NBAS: variants seen among roughly 807,000 people sequenced by gnomAD.
The protein encoded by NBAS is NAG/BC035112 fusion.
NBAS carries 219 observed loss-of-function variants against 302.5 expected under a neutral mutation model. The ratio of observed to expected loss-of-function variants is 0.72; its 90% confidence interval spans 0.65 to 0.81. The LOEUF is 0.81. Ranked by LOEUF, NBAS falls within the 30% of genes least tolerant of loss-of-function variation. The pLI, the probability that NBAS is intolerant of heterozygous loss-of-function variation, is 0.00. For synonymous variants in NBAS, 1,118 were observed against 1,021.6 expected, an observed-to-expected ratio of 1.09 and a Z score of -1.80; for missense variants, 2,932 against 2,841.6, an observed-to-expected ratio of 1.03 and a Z score of -0.72.
chr2:14,916,963 C>T, the NBAS span, among the ~76,000 whole-genome samples: 1 of 152,294 alleles, frequency 6.6e-6, no homozygotes, highest in South Asian at 2.1e-4. Context: ...AGAAACAACA[C>T]GTGTGCTTTT....
chr2:15,142,889 T>A, the NBAS span, among the ~76,000 whole-genome samples: 1 of 152,132 alleles, frequency 6.6e-6, no homozygotes, highest in East Asian at 1.9e-4. Flanking sequence ...AAAAGAAACA[T>A]CCCTCCGTTT....
intron 35 of NBAS, among the ~76,000 whole-genome samples, chr2:15,350,486 G>A (rs1003407445): frequency 1.1e-4 from 16 of 152,150 alleles, no homozygotes; most frequent in Admixed American, 1.3e-4. Flanking sequence ...TCTAAAAAAT[G>A]CTAATTCTAC....
chr2:15,119,092 T>C, the NBAS span, among the ~76,000 whole-genome samples: 3 of 152,026 alleles, frequency 2.0e-5, no homozygotes, highest in East Asian at 1.9e-4. Flanking sequence ...TCCCAGAAAG[T>C]AGATCTCCTC....
At chr2:14,809,370 T>C in the NBAS span, among the ~76,000 whole-genome samples, 68 of 152,300 alleles carry the variant, frequency 4.5e-4, 1 homozygote, top group African/African-American at 8.2e-4. Context: ...GTGTGCAGCC[T>C]AGGGACTTGG....
At chr2:15,250,433 C>T (rs1015908888) in intron 44 of NBAS, among the ~76,000 whole-genome samples, 9 of 152,168 alleles carry the variant, frequency 5.9e-5, no homozygotes, top group African/African-American at 2.2e-4. Context: ...ACACCAAAAG[C>T]AATGGCAACA....
the NBAS span, among the ~76,000 whole-genome samples, chr2:14,826,419 G>A: frequency 1.3e-5 from 2 of 152,160 alleles, no homozygotes; most frequent in East Asian, 1.9e-4. Flanking sequence ...TGTATTTAAT[G>A]GGATGTGGTA....
rs375995957 is a variant in NBAS, at chr2:15,539,238, G to C, written c.498C>G (p.Leu166=). 2 of 1,614,054 alleles carry C rather than the reference G, an allele frequency of 1.2e-6. No individual in the cohort carries two copies. Among genetic ancestry groups the C allele is most frequent in the African/African-American group, 1.3e-5 (1 of 74,920 alleles). The change falls in exon 7 of 52, where the codon CTC becomes CTG. Residue 166 remains leucine, a synonymous_variant. Coordinates refer to ENST00000281513, the MANE Select transcript of NBAS (RefSeq NM_015909.4). ...VRVFDLMGSE[L]FVISPASSFI... is the part of the protein sequence containing the mutation. ...ATGTACATACCGGGGAAATGACAAA[G>C]AGTTCACTTCCCATGAGATCAAACA...
the NBAS span, among the ~76,000 whole-genome samples, chr2:15,130,206 T>C: frequency 5.2e-5 from 8 of 152,390 alleles, no homozygotes; most frequent in East Asian, 1.3e-3. Flanking sequence ...GGTTTATCCA[T>C]GTTGAACTAT....
intron 31 of NBAS, among the ~76,000 whole-genome samples, chr2:15,368,430 C>T (rs1465617989): frequency 2.0e-5 from 3 of 152,020 alleles, no homozygotes; most frequent in African/African-American, 7.2e-5. Flanking sequence ...GAACTCCTGA[C>T]CTTGTGATCC....
chr2:14,810,202 A>G, the NBAS span, among the ~76,000 whole-genome samples: 3 of 152,136 alleles, frequency 2.0e-5, no homozygotes, highest in Admixed American at 6.5e-5. Context: ...GGAAGGCACA[A>G]TTGGTTGTGA....
the NBAS span, among the ~76,000 whole-genome samples, chr2:14,901,014 G>A: frequency 6.6e-6 from 1 of 152,224 alleles, no homozygotes; most frequent in African/African-American, 2.4e-5. Flanking sequence ...TGCACTGACA[G>A]CCTTGGGGTC....
chr2:15,427,823 A>G, intron 21 of NBAS, 29 bp from the exon 22 acceptor site: 5 of 1,531,502 alleles, frequency 3.3e-6, no homozygotes, highest in Non-Finnish European at 4.5e-6. Context: ...TAAGTGTTTA[A>G]AATTCACATT....
the NBAS span, among the ~76,000 whole-genome samples, chr2:14,985,285 A>C: frequency 6.6e-6 from 1 of 152,246 alleles, no homozygotes; most frequent in African/African-American, 2.4e-5. Flanking sequence ...AAACACTGTC[A>C]TCCAGGAAAC....
the NBAS span, among the ~76,000 whole-genome samples, chr2:14,890,952 ATTATTTAGTAGCAAATCTTTT>A: frequency 1.3e-5 from 2 of 152,252 alleles, no homozygotes; most frequent in African/African-American, 4.8e-5. Context: ...AAATAAAAAG[ATTATTTAGTAGCAAATCTTTT>A]TTAGAATAAA....
Position 15,443,367 on chromosome 2 carries a change from T to C in NBAS, c.2340-15573A>G, listed in dbSNP as rs563046434. Among the ~76,000 whole-genome samples, 135 of 151,982 alleles carry C rather than the reference T, an allele frequency of 8.9e-4. 2 individuals are homozygous for C. The highest frequency in any genetic ancestry group is 1.8e-3 in the African/African-American group (74 of 41,392). ...TTCAATATACGCAAATCAATAAATG[T>C]AATCCAGCATATAAACAGAACCAAA... is the stretch of plus-strand genomic sequence containing the variant. On this transcript the variant is annotated intron_variant, in intron 21 of 51. Coordinates refer to ENST00000281513, the MANE Select transcript of NBAS (RefSeq NM_015909.4).
chr2:14,989,485 G>A, the NBAS span, among the ~76,000 whole-genome samples: 1 of 151,990 alleles, frequency 6.6e-6, no homozygotes, highest in Non-Finnish European at 1.5e-5. Flanking sequence ...CTAAAACCAG[G>A]AGGTGGAGGT....
chr2:15,144,317 C>T, the NBAS span, among the ~76,000 whole-genome samples: 8 of 152,010 alleles, frequency 5.3e-5, no homozygotes, highest in African/African-American at 1.9e-4. Flanking sequence ...CCAGGCTCAA[C>T]CCAGGAAAGC....
chr2:15,462,144 C>T (rs1679534489), intron 19 of NBAS, among the ~76,000 whole-genome samples: 1 of 152,256 alleles, frequency 6.6e-6, no homozygotes, highest in Non-Finnish European at 1.5e-5. Context: ...ACTTTAGTTT[C>T]ACCACTGCTA....
the NBAS span, among the ~76,000 whole-genome samples, chr2:14,830,365 G>A: frequency 2.6e-5 from 4 of 152,032 alleles, no homozygotes; most frequent in African/African-American, 9.7e-5. Context: ...AACAGATCAG[G>A]GATGATTACC....
Sources: gnomAD v4.1 joint callset for allele counts (sites outside exome capture counted in the v4.1 genomes callset) on GRCh38, gnomAD v4.1.1 for gene constraint, MANE v1.5 for transcripts, NCBI Gene and HGNC (gene_info 2026-07-23, HGNC 2026-07-21) for gene names.